The following ANK3 variants were observed in gnomAD, a reference collection of about 807,000 sequenced individuals.
ANK3 encodes ankyrin-3.
Under a neutral mutation model 370.9 loss-of-function variants are expected in ANK3, and 57 were observed. The observed-to-expected ratio is 0.15, with a 90% CI of 0.12 to 0.19. ANK3 has a LOEUF of 0.19. Ranked by LOEUF, ANK3 falls within the 10% of genes least tolerant of loss-of-function variation. The pLI, the probability that ANK3 is intolerant of heterozygous loss-of-function variation, is 1.00. For synonymous variants in ANK3, 1,929 were observed against 1,946.3 expected, an observed-to-expected ratio of 0.99 and a Z score of 0.23; for missense variants, 4,439 against 5,302.1, an observed-to-expected ratio of 0.84 and a Z score of 5.06.
rs2095837852 is a variant in ANK3 at position 60,173,070 on chromosome 10, A to G, written c.2283+18T>C. ...AAAATAAATGATTCTGGCAGAAACA[A>G]AAAAGGAAGGAGCTTACCTTTGTTT... On this transcript the variant is annotated intron_variant, in intron 19 of 43. Coordinates refer to ENST00000280772, the MANE Select transcript of ANK3 (RefSeq NM_020987.5). 6.2e-7 allele frequency: 1 copy of G among 1,611,726 alleles called. No homozygotes were observed. The highest frequency in any genetic ancestry group is 8.5e-7 in the Non-Finnish European group (1 of 1,178,870).
chr10:60,301,413 ATTT>A (rs769439635), intron 1 of ANK3, among the ~76,000 whole-genome samples: 16 of 123,772 alleles, frequency 1.3e-4, no homozygotes, highest in South Asian at 7.7e-4. Context: ...CACAATATAC[ATTT>A]TTTTTTTTTT....
At chr10:60,599,432 AC>A (rs2078031010) in intron 2 of ANK3, among the ~76,000 whole-genome samples, 1 of 152,140 alleles carries the variant, frequency 6.6e-6, no homozygotes, top group Non-Finnish European at 1.5e-5. Flanking sequence ...AAAGTCAAAT[AC>A]TTTTAACATT....
chr10:60,511,292 A>T (rs1412409402), intron 2 of ANK3, among the ~76,000 whole-genome samples: 5 of 152,164 alleles, frequency 3.3e-5, no homozygotes, highest in Non-Finnish European at 7.4e-5. Context: ...TTTTGTTACT[A>T]TGACTTACTA....
At chr10:60,561,368 C>T (rs1482620639) in intron 2 of ANK3, among the ~76,000 whole-genome samples, 4 of 151,946 alleles carry the variant, frequency 2.6e-5, no homozygotes, top group African/African-American at 9.7e-5. Flanking sequence ...GACTGGGTAC[C>T]AAGGGGGAAA....
In ANK3 at chr10:60,068,698, T is replaced by C; in HGVS notation, c.12183A>G (p.Ala4061=). 4 of 1,614,116 alleles carry C rather than the reference T, an allele frequency of 2.5e-6. No individual in the cohort carries two copies. The highest frequency in any genetic ancestry group is 2.5e-6 in the Non-Finnish European group (3 of 1,179,974). Residue 4061 remains alanine, a synonymous_variant, in exon 37 of 44, where the codon GCA becomes GCG. Transcript: ENST00000280772. ...TKSARDKKTE[A]APLKSKSEKA... is the part of the protein sequence containing the mutation. ...TTTCACTCTTTGATTTTAAAGGTGC[T>C]GCCTCTGTTTTCTTATCTCTAGCAG...
At chr10:60,044,597 A>G (rs1229652635) in intron 42 of ANK3, 1 of 152,644 alleles carries the variant, frequency 6.6e-6, no homozygotes, top group Non-Finnish European at 1.5e-5. Context: ...ATTTGAAAAT[A>G]CATAATTATA....
intron 2 of ANK3, among the ~76,000 whole-genome samples, chr10:60,455,672 CT>C (rs1490225075): frequency 2.0e-5 from 3 of 152,066 alleles, no homozygotes; most frequent in African/African-American, 7.2e-5. Flanking sequence ...AATTATGTGC[CT>C]GTCTCATCGT....
chr10:60,068,610 G>C (rs749030664), intron 37 of ANK3, 27 bp downstream of exon 37: 3 of 1,570,400 alleles, frequency 1.9e-6, no homozygotes, highest in Non-Finnish European at 2.6e-6. Flanking sequence ...CAGAGTGCTC[G>C]AGAGACCTGA....
chr10:60,644,533 T>A (rs2078681890), intron 1 of ANK3, among the ~76,000 whole-genome samples: 1 of 152,124 alleles, frequency 6.6e-6, no homozygotes, highest in African/African-American at 2.4e-5. Context: ...GTACCAATTT[T>A]TCTATTGGAA....
At chr10:60,284,467 A>G (rs2098214720) in intron 1 of ANK3, among the ~76,000 whole-genome samples, 1 of 152,184 alleles carries the variant, frequency 6.6e-6, no homozygotes, top group African/African-American at 2.4e-5. Flanking sequence ...TGTGAATGAC[A>G]GGGATGCAAA....
At chr10:60,140,736 A>C (rs2094523980) in intron 23 of ANK3, 1 of 1,133,218 alleles carries the variant, frequency 8.8e-7, no homozygotes, top group East Asian at 5.5e-5. Flanking sequence ...TGGTGACATA[A>C]ATGCAAGCCC....
At chr10:60,259,499 T>C (rs2097776047) in intron 7 of ANK3, among the ~76,000 whole-genome samples, 1 of 152,242 alleles carries the variant, frequency 6.6e-6, no homozygotes, top group Non-Finnish European at 1.5e-5. Context: ...TCATATATGG[T>C]AACTCAGGAA....
chr10:60,499,977 A>G (rs2075757034), intron 2 of ANK3, among the ~76,000 whole-genome samples: 2 of 152,168 alleles, frequency 1.3e-5, no homozygotes, highest in Admixed American at 6.6e-5. Flanking sequence ...TACCTTTCAC[A>G]TCTTTCAGAA....
intron 40 of ANK3, chr10:60,060,054 T>A (rs1443036589): frequency 1.4e-6 from 2 of 1,427,934 alleles, no homozygotes; most frequent in Non-Finnish European, 1.9e-6. Flanking sequence ...TTAGAATACA[T>A]CAAACAAAAA....
At chr10:60,222,195 C>A (rs1046491048) in intron 8 of ANK3, among the ~76,000 whole-genome samples, 1 of 152,148 alleles carries the variant, frequency 6.6e-6, no homozygotes, top group Non-Finnish European at 1.5e-5. Flanking sequence ...AGGGATGCCT[C>A]ATCAGGAAGC....
At chr10:60,532,340 C>T (rs1347960462) in intron 2 of ANK3, among the ~76,000 whole-genome samples, 1 of 152,106 alleles carries the variant, frequency 6.6e-6, no homozygotes, top group Non-Finnish European at 1.5e-5. Context: ...AACCAGGGTG[C>T]TGCTGTACCT....
At chr10:60,602,741 G>C (rs2078080999) in intron 2 of ANK3, among the ~76,000 whole-genome samples, 2 of 151,950 alleles carry the variant, frequency 1.3e-5, no homozygotes, top group Admixed American at 1.3e-4. Context: ...AGTCACAGTA[G>C]TATTCACAGA....
At chr10:60,372,793 A>G (rs971521851) in intron 1 of ANK3, among the ~76,000 whole-genome samples, 1 of 152,216 alleles carries the variant, frequency 6.6e-6, no homozygotes, top group Non-Finnish European at 1.5e-5. Flanking sequence ...CGATGTATTT[A>G]TATAAATCCT....
intron 2 of ANK3, among the ~76,000 whole-genome samples, chr10:60,505,778 A>G (rs1339468766): frequency 6.6e-6 from 1 of 152,182 alleles, no homozygotes; most frequent in Non-Finnish European, 1.5e-5. Flanking sequence ...AAACTCTGAA[A>G]TAAGTTAGAC....
Sources: allele counts gnomAD v4.1 joint callset (sites outside exome capture counted in the v4.1 genomes callset), GRCh38; gene constraint gnomAD v4.1.1; transcripts MANE v1.5; gene names NCBI Gene and HGNC (gene_info 2026-07-23, HGNC 2026-07-21).